Variants in SLC16A10 observed in about 807,000 individuals in gnomAD.
The protein encoded by SLC16A10 is solute carrier family 16 member 10.
SLC16A10 carries 27 observed loss-of-function variants against 40.0 expected under a neutral mutation model. That is an observed-to-expected ratio of 0.67 (90% CI 0.50 to 0.93). The LOEUF is 0.93. SLC16A10 is among the 40% of genes least tolerant of loss of function. The pLI, the probability that SLC16A10 is intolerant of heterozygous loss-of-function variation, is 0.00. For synonymous variants in SLC16A10, 213 were observed against 249.8 expected (o/e 0.85, Z 1.39); for missense variants, 529 against 658.2 (o/e 0.80, Z 2.15).
At chr6:111,145,447 A>G (rs554692085) in intron 1 of SLC16A10, among the ~76,000 whole-genome samples, 26 of 152,366 alleles carry the variant, frequency 1.7e-4, no homozygotes, top group African/African-American at 6.3e-4. Context: ...AAAATATATT[A>G]TTAAGATAAA....
At chr6:111,185,430 G>C (rs1772878070) in intron 3 of SLC16A10, among the ~76,000 whole-genome samples, 1 of 152,208 alleles carries the variant, frequency 6.6e-6, no homozygotes, top group South Asian at 2.1e-4. Flanking sequence ...CCAGCACTCA[G>C]AGCATGCTTC....
intron 1 of SLC16A10, among the ~76,000 whole-genome samples, chr6:111,138,185 TAC>T (rs1454754198): frequency 6.6e-6 from 1 of 152,230 alleles, no homozygotes; most frequent in African/African-American, 2.4e-5. Context: ...ATAAAAGTCC[TAC>T]ACTAACATTG....
At chr6:111,200,412 G>A (rs1312274407) in intron 3 of SLC16A10, among the ~76,000 whole-genome samples, 1 of 152,052 alleles carries the variant, frequency 6.6e-6, no homozygotes, top group Admixed American at 6.6e-5. Flanking sequence ...TGGTGTAAAG[G>A]GATTAATTTT....
intron 1 of SLC16A10, among the ~76,000 whole-genome samples, chr6:111,097,092 G>T (rs934770018): frequency 6.6e-6 from 1 of 152,074 alleles, no homozygotes; most frequent in African/African-American, 2.4e-5. Flanking sequence ...AGAGTGTTGG[G>T]ATTACAGGTT....
In SLC16A10 at chr6:111,224,077, A is replaced by C. The variant is rs1770949022; in HGVS notation, c.*1842A>C. ...TAACATAATGAGACCCTGTGTCTAC[A>C]AAAAATTTAAAAATTAGCCAGGCAT... On this transcript the variant is annotated 3_prime_UTR_variant, in exon 6 of 6. Transcript: ENST00000368851. 1 of 152,198 alleles carries C rather than the reference A, an allele frequency of 6.6e-6. No individual in the cohort carries two copies. The highest frequency in any genetic ancestry group is 6.5e-5 in the Admixed American group (1 of 15,272). The allele number at this position is 152,198 out of a possible 1,614,324, so 9.4% of individuals were successfully genotyped here. A position where few individuals can be genotyped will look rare whatever the true frequency, so the allele number is the denominator to read the frequency against.
chr6:111,114,024 C>T (rs982671224), intron 1 of SLC16A10, among the ~76,000 whole-genome samples: 5 of 152,184 alleles, frequency 3.3e-5, no homozygotes, highest in African/African-American at 9.7e-5. Flanking sequence ...GTTATTCAGA[C>T]GTCTGCTGTT....
chr6:111,158,778 A>G (rs1041565892), intron 1 of SLC16A10, among the ~76,000 whole-genome samples: 19 of 152,164 alleles, frequency 1.2e-4, no homozygotes, highest in African/African-American at 2.4e-5. Flanking sequence ...CTCAGATCCT[A>G]ACATTCTCAG....
At chr6:111,141,069 G>A (rs9320360) in intron 1 of SLC16A10, among the ~76,000 whole-genome samples, 10 of 152,020 alleles carry the variant, frequency 6.6e-5, no homozygotes, top group African/African-American at 2.4e-4. Context: ...CGGATTTAAG[G>A]TGGGAGCCAC....
rs1770965557 is a variant in SLC16A10, at chr6:111,225,053, G to A, written c.*2818G>A. 6.6e-6 allele frequency: 1 copy of A among 152,118 alleles called. No individual in the cohort carries two copies. The highest frequency in any genetic ancestry group is 2.4e-5 in the African/African-American group (1 of 41,416). 9.4% of individuals were successfully genotyped at this position (152,118 alleles called of 1,614,324 possible). A position where few individuals can be genotyped will look rare whatever the true frequency, so the allele number is the denominator to read the frequency against. On this transcript the variant is annotated 3_prime_UTR_variant, in exon 6 of 6. Transcript: ENST00000368851. ...AGATTGGATACTATTGTAACAGATG[G>A]CCAAGAAACTTCCAGAAACATTTTG...
intron 1 of SLC16A10, among the ~76,000 whole-genome samples, chr6:111,143,525 A>G (rs1323121309): frequency 1.3e-5 from 2 of 152,178 alleles, no homozygotes; most frequent in African/African-American, 4.8e-5. Flanking sequence ...TTTTGTAGAG[A>G]TGGAGCCTTG....
intron 1 of SLC16A10, among the ~76,000 whole-genome samples, chr6:111,108,752 A>G (rs1562399678): frequency 6.6e-6 from 1 of 152,228 alleles, no homozygotes; most frequent in Non-Finnish European, 1.5e-5. Flanking sequence ...TGAGATTGCT[A>G]TGCAGGTGGA....
chr6:111,105,394 A>G (rs1272743626), intron 1 of SLC16A10, among the ~76,000 whole-genome samples: 1 of 152,200 alleles, frequency 6.6e-6, no homozygotes, highest in Non-Finnish European at 1.5e-5. Flanking sequence ...GAGCTACTAT[A>G]ATACTATTAT....
At chr6:111,213,068 A>G (rs983273435) in intron 4 of SLC16A10, among the ~76,000 whole-genome samples, 1 of 152,218 alleles carries the variant, frequency 6.6e-6, no homozygotes, top group African/African-American at 2.4e-5. Flanking sequence ...GGGTGAGAAT[A>G]TTTCAAAGGT....
chr6:111,210,350 G>C (rs1414188211), intron 4 of SLC16A10, among the ~76,000 whole-genome samples: 1 of 152,118 alleles, frequency 6.6e-6, no homozygotes, highest in Admixed American at 6.6e-5. Flanking sequence ...GAAGAGAGTT[G>C]GTAATGTGCT....
intron 1 of SLC16A10, among the ~76,000 whole-genome samples, chr6:111,097,956 A>G (rs1446137167): frequency 6.6e-6 from 1 of 152,138 alleles, no homozygotes; most frequent in Admixed American, 6.5e-5. Context: ...ATTTTTTGCT[A>G]AAGATTAAAT....
At chr6:111,116,948 A>T (rs1771497369) in intron 1 of SLC16A10, among the ~76,000 whole-genome samples, 1 of 152,198 alleles carries the variant, frequency 6.6e-6, no homozygotes. Context: ...TTAAGCCTGG[A>T]ATTGCTTTAG....
intron 1 of SLC16A10, among the ~76,000 whole-genome samples, chr6:111,137,863 A>G (rs970648106): frequency 6.6e-6 from 1 of 152,228 alleles, no homozygotes; most frequent in Non-Finnish European, 1.5e-5. Context: ...CACCCGACCA[A>G]TGAGGTAGTA....
At chr6:111,205,467 C>T (rs1208418144) in intron 3 of SLC16A10, among the ~76,000 whole-genome samples, 1 of 152,126 alleles carries the variant, frequency 6.6e-6, no homozygotes, top group Non-Finnish European at 1.5e-5. Context: ...TATAAGTACA[C>T]TAAGTGGAGG....
rs554156913 is a variant in SLC16A10 at position 111,223,106 on chromosome 6, T to A, written c.*871T>A. ...TATTTAAAGTCTTACTGAGCAGCTA[T>A]CAAGTGGCAGTTACAGGCACAAATT... On this transcript the variant is annotated 3_prime_UTR_variant, in exon 6 of 6. Transcript: ENST00000368851. The A allele has an allele frequency of 6.6e-6, 1 of 152,334 alleles. No homozygotes were observed. Among genetic ancestry groups the A allele is most frequent in the Admixed American group, 6.5e-5 (1 of 15,284 alleles). The allele number at this position is 152,334 out of a possible 1,614,324, so 9.4% of individuals were successfully genotyped here.
Sources: gnomAD v4.1 joint callset for allele counts (sites outside exome capture counted in the v4.1 genomes callset) on GRCh38, gnomAD v4.1.1 for gene constraint, MANE v1.5 for transcripts, NCBI Gene and HGNC (gene_info 2026-07-23, HGNC 2026-07-21) for gene names.